SLIT3: variants seen among roughly 807,000 people sequenced by gnomAD.
SLIT3 encodes slit homolog 3 protein.
In SLIT3, 68 loss-of-function variants were observed where a neutral mutation model predicts 184.0. The ratio of observed to expected loss-of-function variants is 0.37; its 90% confidence interval spans 0.30 to 0.45. The LOEUF (loss-of-function observed/expected upper bound fraction) is 0.45. SLIT3 is among the 20% of genes least tolerant of loss of function. The pLI, the probability that SLIT3 is intolerant of heterozygous loss-of-function variation, is 1.00. For synonymous variants in SLIT3, 831 were observed against 828.6 expected (o/e 1.00, Z -0.05); for missense variants, 1,707 against 2,026.0 (o/e 0.84, Z 3.02).
intron 32 of SLIT3, among the ~76,000 whole-genome samples, chr5:168,676,854 A>T (rs376566191): frequency 1.7e-4 from 26 of 152,294 alleles, no homozygotes; most frequent in African/African-American, 5.3e-4. Context: ...ACACAGACAC[A>T]GCGAACACAT....
At chr5:169,093,356 A>G (rs1393778610) in intron 4 of SLIT3, among the ~76,000 whole-genome samples, 1 of 152,164 alleles carries the variant, frequency 6.6e-6, no homozygotes, top group African/African-American at 2.4e-5. Context: ...GGAACTGATT[A>G]TAACTGGGCA....
chr5:168,918,157 C>G (rs1023885749), intron 4 of SLIT3, among the ~76,000 whole-genome samples: 1 of 152,028 alleles, frequency 6.6e-6, no homozygotes, highest in African/African-American at 2.4e-5. Context: ...ATATAATAAA[C>G]AGCAATGCCA....
chr5:168,998,742 A>ACAAAACAAAACAAAAGAAAT (rs771607843), intron 4 of SLIT3, among the ~76,000 whole-genome samples: 4,963 of 151,998 alleles, frequency 0.033, 107 homozygotes, highest in Middle Eastern at 0.048. Context: ...ACAAAACAAA[A>ACAAAACAAAACAAAAGAAAT]GGCCATTGAA....
At chr5:168,748,703 C>A (rs1326430401) in intron 19 of SLIT3, among the ~76,000 whole-genome samples, 2 of 152,084 alleles carry the variant, frequency 1.3e-5, no homozygotes, top group South Asian at 2.1e-4. Context: ...AGGAATAAGC[C>A]GAATTGATTG....
chr5:168,818,237 A>G (rs1109106), intron 7 of SLIT3, among the ~76,000 whole-genome samples: 20,177 of 152,160 alleles, frequency 0.13, 1,778 homozygotes, highest in South Asian at 0.31. Flanking sequence ...TTTTCTAACC[A>G]GTTCTAGGAC....
intron 9 of SLIT3, among the ~76,000 whole-genome samples, chr5:168,798,220 C>CTTTT (rs575178855): frequency 0.13 from 14,072 of 111,218 alleles, 1,518 homozygotes; most frequent in East Asian, 0.25. Flanking sequence ...TCTTCTTCTT[C>CTTTT]TTCTTTTTTT....
chr5:168,730,634 C>T (rs891165610), intron 20 of SLIT3, among the ~76,000 whole-genome samples: 3 of 151,152 alleles, frequency 2.0e-5, no homozygotes, highest in African/African-American at 7.3e-5. Flanking sequence ...ACCACTGGGT[C>T]AACAAAGAAA....
chr5:168,933,545 C>CA (rs1260123893), intron 4 of SLIT3, among the ~76,000 whole-genome samples: 22 of 147,296 alleles, frequency 1.5e-4, no homozygotes, highest in African/African-American at 4.7e-4. Context: ...CATCTCAAAA[C>CA]AAACAAACAA....
chr5:168,770,017 T>C (rs1420255985), intron 14 of SLIT3, among the ~76,000 whole-genome samples: 1 of 152,216 alleles, frequency 6.6e-6, no homozygotes, highest in Non-Finnish European at 1.5e-5. Flanking sequence ...CCCTCTGTAC[T>C]TTTCAGCAAG....
chr5:168,749,016 A>C (rs907877296), intron 19 of SLIT3, among the ~76,000 whole-genome samples: 3 of 152,220 alleles, frequency 2.0e-5, no homozygotes, highest in African/African-American at 7.2e-5. Flanking sequence ...TCTCATGAGT[A>C]CATACTGAGT....
intron 4 of SLIT3, among the ~76,000 whole-genome samples, chr5:169,019,647 T>C (rs777598061): frequency 5.9e-5 from 9 of 152,214 alleles, no homozygotes; most frequent in Non-Finnish European, 8.8e-5. Flanking sequence ...TACCACTTGC[T>C]TAAAATGAGC....
chr5:169,230,802 T>C (rs778247759), intron 3 of SLIT3, among the ~76,000 whole-genome samples: 1 of 152,182 alleles, frequency 6.6e-6, no homozygotes, highest in African/African-American at 2.4e-5. Context: ...TTTCTTTAAC[T>C]ATCTGACTTT....
At chr5:168,817,508 T>A in intron 7 of SLIT3, 45 bp from the exon 8 acceptor site, 1 of 1,595,584 alleles carries the variant, frequency 6.3e-7, no homozygotes, top group Non-Finnish European at 8.6e-7. Flanking sequence ...ACAGGTGAAG[T>A]GTGGAGGCTG....
chr5:169,115,511 A>T (rs1249932520), intron 4 of SLIT3, among the ~76,000 whole-genome samples: 1 of 152,168 alleles, frequency 6.6e-6, no homozygotes. Context: ...GCACACGAGG[A>T]AACTGAGACA....
At chr5:168,810,101 T>A (rs1757113718) in intron 8 of SLIT3, among the ~76,000 whole-genome samples, 1 of 152,150 alleles carries the variant, frequency 6.6e-6, no homozygotes, top group Non-Finnish European at 1.5e-5. Context: ...GCCCTTACTG[T>A]CCACACATGT....
intron 20 of SLIT3, among the ~76,000 whole-genome samples, chr5:168,740,359 A>G (rs1763585784): frequency 1.3e-5 from 2 of 152,162 alleles, no homozygotes; most frequent in South Asian, 4.1e-4. Context: ...CTCAGATGGC[A>G]TTGCTGGGGT....
At chr5:169,240,766 TTTG>T (rs1199091868) in intron 3 of SLIT3, among the ~76,000 whole-genome samples, 1 of 151,654 alleles carries the variant, frequency 6.6e-6, no homozygotes, top group Non-Finnish European at 1.5e-5. Flanking sequence ...CATCTTTCTG[TTTG>T]TTGTCTATTT....
At chr5:168,967,841 G>A (rs1019142615) in intron 4 of SLIT3, among the ~76,000 whole-genome samples, 22 of 152,092 alleles carry the variant, frequency 1.4e-4, no homozygotes, top group African/African-American at 4.8e-4. Flanking sequence ...GAAGAATAAA[G>A]CCTCGGGTTC....
At chr5:168,741,478 C>CAAAAAAAAAAAAAA (rs3061744) in intron 20 of SLIT3, among the ~76,000 whole-genome samples, 20 of 81,566 alleles carry the variant, frequency 2.5e-4, no homozygotes, top group East Asian at 8.0e-4. Flanking sequence ...GACTCGGTCT[C>CAAAAAAAAAAAAAA]AAAAAAAAAA....
Sources: allele counts gnomAD v4.1 joint callset (sites outside exome capture counted in the v4.1 genomes callset), GRCh38; gene constraint gnomAD v4.1.1; transcripts MANE v1.5; gene names NCBI Gene and HGNC (gene_info 2026-07-23, HGNC 2026-07-21).